Variants in PCDH11X observed in about 807,000 individuals in gnomAD.
The protein encoded by PCDH11X is protocadherin 11 X-linked.
PCDH11X carries 18 observed loss-of-function variants against 53.3 expected under a neutral mutation model. The ratio of observed to expected loss-of-function variants is 0.34; its 90% CI spans 0.23 to 0.50. PCDH11X has a LOEUF of 0.50. PCDH11X is among the 20% of genes least tolerant of loss of function. PCDH11X has a pLI of 0.98. For missense variants in PCDH11X, 570 were observed against 1,032.4 expected (o/e 0.55, Z 6.14); for synonymous variants, 279 against 393.3 (o/e 0.71, Z 3.44).
chrX:92,554,111 A>G (rs1443117071), intron 10 of PCDH11X, among the ~76,000 whole-genome samples: 36 of 101,830 alleles, frequency 3.5e-4, no homozygotes, highest in African/African-American at 1.3e-3. Context: ...ATTTTTCACC[A>G]ACGTATCTCT....
chrX:91,793,742 T>C (rs1007940236), intron 1 of PCDH11X, among the ~76,000 whole-genome samples: 7 of 111,468 alleles, frequency 6.3e-5, no homozygotes, highest in African/African-American at 1.6e-4. Context: ...GGCTTAGATA[T>C]AGACTGTTAA....
chrX:92,030,507 T>A (rs1188688384), intron 6 of PCDH11X, among the ~76,000 whole-genome samples: 2 of 107,970 alleles, frequency 1.9e-5, no homozygotes, highest in African/African-American at 6.8e-5. Context: ...AGTTTCACTT[T>A]ACGTTATTTT....
intron 6 of PCDH11X, among the ~76,000 whole-genome samples, chrX:92,105,115 C>T (rs183187081): frequency 1.2e-4 from 13 of 111,601 alleles, no homozygotes; most frequent in African/African-American, 4.2e-4. Flanking sequence ...CAGTCCGTGA[C>T]CGGCACCGGA....
intron 6 of PCDH11X, among the ~76,000 whole-genome samples, chrX:92,018,293 T>A (rs1347653302): frequency 8.9e-6 from 1 of 112,057 alleles, no homozygotes; most frequent in African/African-American, 3.2e-5. Context: ...AAAATAATGA[T>A]AATTTAAGAA....
At chrX:92,216,104 A>T (rs1272323454) in intron 7 of PCDH11X, among the ~76,000 whole-genome samples, 1 of 109,457 alleles carries the variant, frequency 9.1e-6, no homozygotes, top group African/African-American at 3.3e-5. Flanking sequence ...AAAGATGGGG[A>T]AAAAATAGAG....
At chrX:92,235,295 A>C (rs1456585193) in intron 7 of PCDH11X, among the ~76,000 whole-genome samples, 1 of 111,179 alleles carries the variant, frequency 9.0e-6, no homozygotes, top group East Asian at 2.8e-4. Context: ...ATTGGGTTGC[A>C]CTGAATTATA....
chrX:92,386,297 A>T (rs1603296938), intron 8 of PCDH11X, among the ~76,000 whole-genome samples: 2 of 111,625 alleles, frequency 1.8e-5, no homozygotes, highest in East Asian at 5.6e-4. Flanking sequence ...TGACTGTTAG[A>T]CCTGAATTTG....
chrX:92,373,687 C>T (rs1309541470), intron 8 of PCDH11X, among the ~76,000 whole-genome samples: 3 of 111,595 alleles, frequency 2.7e-5, no homozygotes, highest in East Asian at 2.8e-4. Flanking sequence ...TCTTGAATGA[C>T]GCTGAGGTAT....
Position 92,619,423 on chromosome X carries a change from T to TTTGTTGTTTTCAGTTTTTTTG in PCDH11X, c.*492_*512dup, listed in dbSNP as rs1928326757. 7.2e-6 allele frequency: 1 copy of TTTGTTGTTTTCAGTTTTTTTG among 138,518 alleles called. No individual in the cohort carries two copies. The highest frequency in any genetic ancestry group is 3.3e-5 in the African/African-American group (1 of 30,504). 11.4% of individuals were successfully genotyped at this position (138,518 alleles called of 1,213,427 possible). A position where few individuals can be genotyped will look rare whatever the true frequency, so the allele number is the denominator to read the frequency against. ...TTTTGGGCTTTCTTTTTGATTTTTG[T>TTTGTTGTTTTCAGTTTTTTTG]TTGTTGTTTTCAGTTTTTTTGTTGT... On this transcript the variant is annotated 3_prime_UTR_variant, in exon 11 of 11. Coordinates refer to ENST00000682573, the MANE Select transcript of PCDH11X (RefSeq NM_032968.5).
chrX:91,973,613 C>CTTTTTTTTTTTTTTT (rs750179369), intron 6 of PCDH11X, among the ~76,000 whole-genome samples: 10 of 88,313 alleles, frequency 1.1e-4, no homozygotes, highest in African/African-American at 3.9e-4. Context: ...GTATATACAA[C>CTTTTTTTTTTTTTTT]TTTTTTTTTT....
In PCDH11X at chrX:92,354,382, TC is replaced by T. The variant is rs1178959471; in HGVS notation, c.3145-33351del. On this transcript the variant is annotated intron_variant, in intron 8 of 10. Transcript: ENST00000682573. ...AAGATGCAGTATCTTATATTTGTAC[TC>T]CATCTACTGATCTTGGATTCTAAAT... 3.7e-5 allele frequency among the ~76,000 whole-genome samples: 4 copies of T among 106,749 alleles called. No individual in the cohort carries two copies. The South Asian group carries it at 1.8e-3, about 48-fold the overall frequency. The allele number at this position is 106,749 out of a possible 115,157, so 92.7% of individuals were successfully genotyped here.
intron 1 of PCDH11X, among the ~76,000 whole-genome samples, chrX:91,783,694 T>C (rs767038586): frequency 1.8e-5 from 2 of 111,865 alleles, no homozygotes; most frequent in Non-Finnish European, 3.8e-5. Context: ...GGCTTTGAGC[T>C]ACATTGAAAA....
intron 10 of PCDH11X, among the ~76,000 whole-genome samples, chrX:92,497,820 A>G (rs1474198277): frequency 1.8e-5 from 2 of 110,584 alleles, no homozygotes; most frequent in African/African-American, 6.6e-5. Context: ...TCTTGTTTAC[A>G]TTAGAAACAA....
intron 8 of PCDH11X, among the ~76,000 whole-genome samples, chrX:92,318,388 A>G (rs1462610180): frequency 2.7e-5 from 3 of 111,726 alleles, no homozygotes; most frequent in African/African-American, 6.5e-5. Context: ...TCACTTGCAA[A>G]CACAAAGACA....
chrX:91,876,928 T>A lies in PCDH11X; in HGVS notation c.688T>A (p.Ser230Thr). The A allele has an allele frequency of 1.7e-6, 2 of 1,211,017 alleles. No homozygotes were observed. Among genetic ancestry groups the A allele is most frequent in the Non-Finnish European group, 2.2e-6 (2 of 895,309 alleles). Residue 230 changes from serine to threonine, a missense_variant, in exon 6 of 11, where the codon TCC becomes ACC. Transcript: ENST00000682573. ...TGAAGATGGTGGCTTTCCTCAAAGATCCAGTACTGCTATTTTGCAAGTGAG... is the reference window on the plus strand; with the variant it reads ...TGAAGATGGTGGCTTTCCTCAAAGAACCAGTACTGCTATTTTGCAAGTGAG... ...KVEDGGFPQR[S>T]STAILQVSVT...
chrX:92,196,908 T>A (rs1158697312), intron 6 of PCDH11X, among the ~76,000 whole-genome samples: 1 of 111,531 alleles, frequency 9.0e-6, no homozygotes, highest in East Asian at 2.8e-4. Context: ...GAATGGCTTC[T>A]GCTTCATGTT....
intron 6 of PCDH11X, among the ~76,000 whole-genome samples, chrX:91,987,378 G>T (rs961518130): frequency 4.5e-5 from 5 of 111,935 alleles, no homozygotes; most frequent in Admixed American, 9.4e-5. Flanking sequence ...CACCACACTC[G>T]ACCCAGACAT....
intron 8 of PCDH11X, among the ~76,000 whole-genome samples, chrX:92,356,102 A>G (rs2070199836): frequency 9.0e-6 from 1 of 111,671 alleles, no homozygotes; most frequent in African/African-American, 3.3e-5. Flanking sequence ...ATCCTAGGAG[A>G]TAATTTGGAG....
chrX:92,604,865 G>A (rs973808727), intron 10 of PCDH11X, among the ~76,000 whole-genome samples: 5 of 108,874 alleles, frequency 4.6e-5, no homozygotes, highest in African/African-American at 1.7e-4. Flanking sequence ...TGAAAAAATG[G>A]TCAAACTATC....
Sources: gnomAD v4.1 joint callset for allele counts (sites outside exome capture counted in the v4.1 genomes callset) on GRCh38, gnomAD v4.1.1 for gene constraint, MANE v1.5 for transcripts, NCBI Gene and HGNC (gene_info 2026-07-23, HGNC 2026-07-21) for gene names.